The following SCN8A variants were observed in gnomAD, a reference collection of about 807,000 sequenced individuals.
SCN8A encodes sodium channel protein type 8 subunit alpha.
Under a neutral mutation model 184.1 loss-of-function variants are expected in SCN8A, and 30 were observed. The ratio of observed to expected loss-of-function variants is 0.16; its 90% CI spans 0.12 to 0.22. The LOEUF (loss-of-function observed/expected upper bound fraction) is 0.22, where lower values mean the gene tolerates loss of function less well. Among genes scored for constraint, SCN8A ranks in the 10% least tolerant of loss-of-function variants. SCN8A has a pLI of 1.00. For synonymous variants in SCN8A, 852 were observed against 907.0 expected (o/e 0.94, Z 1.09); for missense variants, 1,057 against 2,498.9 (o/e 0.42, Z 12.30).
At chr12:51,633,501 G>A (rs779999961) in intron 1 of SCN8A, among the ~76,000 whole-genome samples, 1 of 152,202 alleles carries the variant, frequency 6.6e-6, no homozygotes, top group Non-Finnish European at 1.5e-5. Flanking sequence ...TATGCTTTGT[G>A]AAATTCCTCC....
chr12:51,801,966 A>C (rs183259622), intron 26 of SCN8A, among the ~76,000 whole-genome samples: 7 of 152,248 alleles, frequency 4.6e-5, no homozygotes, highest in Admixed American at 3.9e-4. Flanking sequence ...GAGGCACGAG[A>C]ATCACTTGAA....
intron 20 of SCN8A, among the ~76,000 whole-genome samples, chr12:51,775,502 G>A (rs1280408198): frequency 6.6e-6 from 1 of 152,138 alleles, no homozygotes; most frequent in Non-Finnish European, 1.5e-5. Flanking sequence ...TTTGGGAAAT[G>A]CCTAAATGAG....
chr12:51,620,341 A>G (rs1939932637), intron 1 of SCN8A, among the ~76,000 whole-genome samples: 1 of 152,230 alleles, frequency 6.6e-6, no homozygotes, highest in African/African-American at 2.4e-5. Context: ...ATCATGAATA[A>G]AATTAGCTTT....
intron 21 of SCN8A, among the ~76,000 whole-genome samples, chr12:51,782,991 A>T (rs1937972651): frequency 6.6e-6 from 1 of 152,226 alleles, no homozygotes; most frequent in African/African-American, 2.4e-5. Flanking sequence ...TTTTTCGGTA[A>T]GATAATATGG....
At chr12:51,648,048 G>A (rs1416760318) in intron 1 of SCN8A, among the ~76,000 whole-genome samples, 4 of 17,864 alleles carry the variant, frequency 2.2e-4, no homozygotes, top group Admixed American at 3.4e-3. Flanking sequence ...CTGCAAACTG[G>A]CCTCTGGGGA....
At chr12:51,665,050 A>G (rs1941006040) in intron 2 of SCN8A, among the ~76,000 whole-genome samples, 1 of 152,206 alleles carries the variant, frequency 6.6e-6, no homozygotes, top group African/African-American at 2.4e-5. Flanking sequence ...TGTCCCTGCA[A>G]AGGACATGAT....
chr12:51,715,237 C>T (rs954404611), intron 11 of SCN8A, among the ~76,000 whole-genome samples: 3 of 152,122 alleles, frequency 2.0e-5, no homozygotes, highest in African/African-American at 7.2e-5. Flanking sequence ...TATGTATTAT[C>T]TTAGGATCCT....
intron 4 of SCN8A, 144 bp from the exon 5 acceptor site, chr12:51,686,947 C>T (rs888784665): frequency 1.2e-5 from 9 of 748,310 alleles, no homozygotes; most frequent in Middle Eastern, 3.6e-4. Flanking sequence ...CTTTCTCCTC[C>T]TCACTTCCTT....
At chr12:51,757,146 CCT>C (rs1452366787) in intron 14 of SCN8A, among the ~76,000 whole-genome samples, 1 of 152,124 alleles carries the variant, frequency 6.6e-6, no homozygotes, top group Non-Finnish European at 1.5e-5. Flanking sequence ...CTGAGGAAGC[CCT>C]TGCAGTTTTA....
At chr12:51,751,877 C>T (rs1942600572) in intron 14 of SCN8A, among the ~76,000 whole-genome samples, 1 of 152,170 alleles carries the variant, frequency 6.6e-6, no homozygotes, top group Admixed American at 6.6e-5. Flanking sequence ...GTTTCAGCAG[C>T]CTGAGCCAAG....
rs75489392 is a variant in SCN8A at position 51,660,240 on chromosome 12, G to C, written c.-54-2524G>C. 5.7e-3 allele frequency among the ~76,000 whole-genome samples: 874 copies of C among 152,238 alleles called. 5 individuals carry two copies. The highest frequency in any genetic ancestry group is 0.02 in the African/African-American group (812 of 41,528). ...AATTGAAGATGGGATGAAGAGCAGG[G>C]GTAATCGAGAGGACACAGTCTTGGA... On this transcript the variant is annotated intron_variant, in intron 1 of 26. Transcript: ENST00000627620.
At chr12:51,774,913 G>A (rs12581041) in intron 20 of SCN8A, among the ~76,000 whole-genome samples, 16,476 of 152,112 alleles carry the variant, frequency 0.11, 1,176 homozygotes, top group East Asian at 0.36. Flanking sequence ...CTTCCCACAC[G>A]TTGCCATTCT....
chr12:51,779,261 C>A (rs905549657), intron 20 of SCN8A, among the ~76,000 whole-genome samples: 3 of 150,536 alleles, frequency 2.0e-5, no homozygotes, highest in Non-Finnish European at 4.4e-5. Flanking sequence ...CCCAAACATT[C>A]TGGAGTTTGA....
chr12:51,736,169 G>A (rs1187512175), intron 12 of SCN8A, among the ~76,000 whole-genome samples: 1 of 152,200 alleles, frequency 6.6e-6, no homozygotes, highest in Non-Finnish European at 1.5e-5. Flanking sequence ...TACCAGTAAT[G>A]TGTTTAATAT....
intron 1 of SCN8A, among the ~76,000 whole-genome samples, chr12:51,645,308 GC>G (rs1940553698): frequency 6.8e-6 from 1 of 146,566 alleles, no homozygotes; most frequent in African/African-American, 2.5e-5. Flanking sequence ...TGCCCGGCCA[GC>G]CGCCCCGTCC....
chr12:51,719,803 G>A (rs61936280), intron 11 of SCN8A, among the ~76,000 whole-genome samples: 64,930 of 151,870 alleles, frequency 0.43, 15,672 homozygotes, highest in East Asian at 0.72. Flanking sequence ...TTGGCCGGGC[G>A]CGGTGGCTCA....
chr12:51,672,081 G>A (rs1301414856), intron 2 of SCN8A, among the ~76,000 whole-genome samples: 4 of 151,936 alleles, frequency 2.6e-5, no homozygotes, highest in East Asian at 1.9e-4. Context: ...TGTATTTTCC[G>A]TCTTTCCTCT....
intron 1 of SCN8A, among the ~76,000 whole-genome samples, chr12:51,592,679 G>A (rs1939254466): frequency 6.6e-6 from 1 of 151,992 alleles, no homozygotes; most frequent in African/African-American, 2.4e-5. Context: ...TATGCACAGT[G>A]GGCACCAGAG....
At chr12:51,804,551 G>A (rs956788495) in intron 26 of SCN8A, among the ~76,000 whole-genome samples, 10 of 151,822 alleles carry the variant, frequency 6.6e-5, no homozygotes, top group Admixed American at 2.6e-4. Flanking sequence ...GTGCAGTGGC[G>A]TGATCTCAGC....
Sources: allele counts gnomAD v4.1 joint callset (sites outside exome capture counted in the v4.1 genomes callset), GRCh38; gene constraint gnomAD v4.1.1; transcripts MANE v1.5; gene names NCBI Gene and HGNC (gene_info 2026-07-23, HGNC 2026-07-21).